ART3: variants seen among roughly 807,000 people sequenced by gnomAD.
ART3 encodes the protein ADP-ribosyltransferase 3 (inactive).
A neutral mutation model predicts 48.5 loss-of-function variants in ART3; 49 were observed. That is an observed-to-expected ratio of 1.01 (90% CI 0.80 to 1.28). The LOEUF (loss-of-function observed/expected upper bound fraction) is 1.28, where lower values mean the gene tolerates loss of function less well. Among genes scored for constraint, ART3 ranks in the 50% most tolerant of loss-of-function variants. The probability of loss-of-function intolerance (pLI) is 0.00; values close to 1 mark genes in which losing one functional copy is unlikely to be tolerated. For synonymous variants in ART3, 145 were observed against 157.2 expected, an observed-to-expected ratio of 0.92 and a Z score of 0.58; for missense variants, 438 against 454.3, an observed-to-expected ratio of 0.96 and a Z score of 0.33.
At position 76,087,943 on chromosome 4, in the gene ART3, T is replaced by C. The variant is rs769668590; in HGVS notation, c.781+5408T>C. ...TCCATTATCATTAAAAATTACTCCATTGGGGCTGGGTGCAGTGGTGTGTGC... is the reference window on the plus strand; with the variant it reads ...TCCATTATCATTAAAAATTACTCCACTGGGGCTGGGTGCAGTGGTGTGTGC... On this transcript the variant is annotated intron_variant, in intron 3 of 11. Transcript: ENST00000355810. Among the ~76,000 whole-genome samples the C allele has an allele frequency of 8.5e-5, 13 of 152,162 alleles. No individual in the cohort carries two copies. In the South Asian group the frequency reaches 1.0e-3, roughly 12 times the overall value.
At position 76,086,998 on chromosome 4, in the gene ART3, C is replaced by T. The variant is rs1380374069; in HGVS notation, c.781+4463C>T. Among the ~76,000 whole-genome samples, 3 of 152,340 alleles carry T rather than the reference C, an allele frequency of 2.0e-5. No individual in the cohort carries two copies. In the East Asian group the frequency reaches 5.8e-4, roughly 29 times the overall value. ...TATCAGCATAGCACAGCCAAAAACC[C>T]GGCTGCAGCTGGGCTGACAGAAATG... On this transcript the variant is annotated intron_variant, in intron 3 of 11. Transcript: ENST00000355810.
chr4:76,099,135 C>G (rs1347852454), intron 5 of ART3, 148 bp downstream of exon 5: 1 of 710,634 alleles, frequency 1.4e-6, no homozygotes, highest in African/African-American at 1.8e-5. Flanking sequence ...AACCCCATCT[C>G]TACAAAAAAT....
chr4:76,093,150 G>A (rs1193642434), intron 3 of ART3, among the ~76,000 whole-genome samples: 1 of 152,116 alleles, frequency 6.6e-6, no homozygotes, highest in Non-Finnish European at 1.5e-5. Context: ...GGCCAGGTGT[G>A]GTGGCTCATG....
intron 11 of ART3, among the ~76,000 whole-genome samples, chr4:76,108,191 A>T (rs1728833282): frequency 6.6e-6 from 1 of 152,058 alleles, no homozygotes; most frequent in African/African-American, 2.4e-5. Context: ...CATAGATGAG[A>T]TGCATTTGTA....
chr4:76,042,989 C>A (rs1412951210), intron 1 of ART3, among the ~76,000 whole-genome samples: 3 of 151,908 alleles, frequency 2.0e-5, no homozygotes, highest in African/African-American at 7.3e-5. Flanking sequence ...TTCTCCACAT[C>A]CCCACCAGAT....
upstream of ART3, among the ~76,000 whole-genome samples, chr4:76,071,367 C>CA (rs58525379): frequency 2.0e-3 from 267 of 130,716 alleles, 1 homozygote; most frequent in South Asian, 6.7e-3. Context: ...GACTCCATCT[C>CA]AAAAAAAAAA....
At chr4:76,027,859 A>AT (rs1162754762) in intron 1 of ART3, among the ~76,000 whole-genome samples, 1 of 149,712 alleles carries the variant, frequency 6.7e-6, no homozygotes, top group Non-Finnish European at 1.5e-5. Flanking sequence ...AGAAATTCTC[A>AT]TTTTTTCCTA....
At chr4:76,049,710 T>C (rs1735856918) in intron 1 of ART3, among the ~76,000 whole-genome samples, 1 of 151,866 alleles carries the variant, frequency 6.6e-6, no homozygotes, top group African/African-American at 2.4e-5. Flanking sequence ...TGCTTGGCGA[T>C]AGGCGATTGT....
intron 1 of ART3, among the ~76,000 whole-genome samples, chr4:76,024,482 C>T (rs777727091): frequency 5.9e-5 from 9 of 152,140 alleles, no homozygotes; most frequent in Non-Finnish European, 1.0e-4. Context: ...GATGATGAAT[C>T]GTGGCAAAAC....
intron 8 of ART3, among the ~76,000 whole-genome samples, chr4:76,101,339 A>G (rs976463168): frequency 4.6e-5 from 7 of 152,248 alleles, no homozygotes; most frequent in Non-Finnish European, 7.3e-5. Flanking sequence ...TTTCTAAATT[A>G]AAATGACTAT....
At chr4:76,104,290 A>C (rs1360284210) in intron 9 of ART3, 1 of 931,750 alleles carries the variant, frequency 1.1e-6, no homozygotes, top group African/African-American at 1.8e-5. Context: ...ATAGAAACCT[A>C]CCTTTACGCA....
intron 10 of ART3, among the ~76,000 whole-genome samples, chr4:76,106,898 C>T (rs2109786929): frequency 6.6e-6 from 1 of 152,294 alleles, no homozygotes; most frequent in South Asian, 2.1e-4. Context: ...GGTGCTCCTG[C>T]TCTATCAGGT....
At chr4:76,105,387 A>G (rs1728242694) in intron 10 of ART3, 1 of 818,410 alleles carries the variant, frequency 1.2e-6, no homozygotes, top group Non-Finnish European at 1.6e-6. Context: ...ACATCTGTAA[A>G]ATGAGGAAAG....
At chr4:76,086,256 G>A (rs936102142) in intron 3 of ART3, among the ~76,000 whole-genome samples, 1 of 152,052 alleles carries the variant, frequency 6.6e-6, no homozygotes, top group Non-Finnish European at 1.5e-5. Flanking sequence ...AGGGGGTAAG[G>A]AAAATGAGGT....
In ART3 at chr4:76,023,521, A is replaced by G. The variant is rs868338912; in HGVS notation, c.-10+12201A>G. 1.0e-5 allele frequency: 12 copies of G among 1,176,102 alleles called. No homozygotes were observed. In the Admixed American group the frequency reaches 1.9e-4, roughly 18 times the overall value. 72.9% of individuals were successfully genotyped at this position (1,176,102 alleles called of 1,614,324 possible). On this transcript the variant is annotated intron_variant, in intron 1 of 9. Transcript: ENST00000341029. ...TCAGAAAACGTGGGGCTAGTGTGCC[A>G]TATTTATCTGCAAAGCCATTTTCCC...
At chr4:76,073,630 G>A (rs2149511620), upstream of ART3, among the ~76,000 whole-genome samples, 1 of 152,252 alleles carries the variant, frequency 6.6e-6, no homozygotes, top group South Asian at 2.1e-4. Context: ...AACTGAATTT[G>A]TCAATGTAAT....
intron 1 of ART3, chr4:76,021,905 G>C (rs377425371): frequency 6.2e-7 from 1 of 1,606,324 alleles, no homozygotes; most frequent in Non-Finnish European, 8.5e-7. Context: ...TGGAAGCACT[G>C]CATCGATTTT....
At chr4:76,097,102 G>T (rs1726176360) in intron 3 of ART3, among the ~76,000 whole-genome samples, 1 of 152,190 alleles carries the variant, frequency 6.6e-6, no homozygotes, top group Non-Finnish European at 1.5e-5. Context: ...CCTAGTAAAA[G>T]ATACAGATAA....
intron 1 of ART3, chr4:76,012,259 T>TA (rs1301821445): frequency 2.0e-5 from 3 of 152,146 alleles, no homozygotes; most frequent in Non-Finnish European, 2.9e-5. Context: ...AGCCTTCCCT[T>TA]TTTACTTGTG....
Sources: gnomAD v4.1 joint callset for allele counts (sites outside exome capture counted in the v4.1 genomes callset) on GRCh38, gnomAD v4.1.1 for gene constraint, MANE v1.5 for transcripts, NCBI Gene and HGNC (gene_info 2026-07-23, HGNC 2026-07-21) for gene names.